The following DMKN variants were observed in gnomAD, a reference collection of about 807,000 sequenced individuals.
DMKN encodes dermokine.
In DMKN, 58 loss-of-function variants were observed where a neutral mutation model predicts 67.6. That is an observed-to-expected ratio of 0.86 (90% CI 0.69 to 1.07). The LOEUF (loss-of-function observed/expected upper bound fraction) is 1.07. DMKN is among the 50% of genes least tolerant of loss of function. The probability of loss-of-function intolerance (pLI) is 0.00; values close to 1 mark genes in which losing one functional copy is unlikely to be tolerated. For missense variants in DMKN, 596 were observed against 601.5 expected (o/e 0.99, Z 0.10); for synonymous variants, 240 against 232.3 (o/e 1.03, Z -0.30).
Position 35,511,479 on chromosome 19 carries a change from C to CACCACT in DMKN, c.849_850insAGTGGT (p.Ser282_Gly283dup), listed in dbSNP as rs776176602. 3.1e-6 allele frequency: 3 copies of CACCACT among 955,288 alleles called. No homozygotes were observed. In the African/African-American group the frequency reaches 6.0e-5, roughly 19 times the overall value. 59.2% of individuals were successfully genotyped at this position (955,288 alleles called of 1,614,324 possible). A position where few individuals can be genotyped will look rare whatever the true frequency, so the allele number is the denominator to read the frequency against. On this transcript the variant is annotated inframe_insertion, in exon 5 of 16. Coordinates refer to ENST00000339686, the MANE Select transcript of DMKN (RefSeq NM_033317.5). ...TTGCCACTGCTGCCACCACTGCTGC[C>CACCACT]GCCACTGCTGCCGCCACTGCTGCTG...
intron 9 of DMKN, among the ~76,000 whole-genome samples, chr19:35,504,804 CTG>C (rs1400385327): frequency 6.6e-6 from 1 of 151,890 alleles, no homozygotes; most frequent in African/African-American, 2.4e-5. Context: ...GCTAAAATGA[CTG>C]TGACAGGTAG....
chr19:35,503,259 C>T lies in DMKN; in HGVS notation c.1135-373G>A, dbSNP rs2068738936. ...GGCTGCAGCCACCCCTTCCACACCA[C>T]CCTGGATAACAGCGGAGACGTAAGA... On this transcript the variant is annotated intron_variant, in intron 9 of 15. Transcript: ENST00000339686. The T allele has an allele frequency of 5.4e-6, 8 of 1,471,824 alleles. No individual in the cohort carries two copies. The East Asian group carries it at 1.5e-4, about 28-fold the overall frequency. The allele number at this position is 1,471,824 out of a possible 1,614,324, so 91.2% of individuals were successfully genotyped here.
At chr19:35,499,845 G>A in intron 13 of DMKN, 113 bp downstream of exon 13, 1 of 1,122,508 alleles carries the variant, frequency 8.9e-7, no homozygotes. Context: ...GACTCAAAGA[G>A]AGCGGGATCC....
chr19:35,504,693 T>A (rs2069107152), intron 9 of DMKN, among the ~76,000 whole-genome samples: 1 of 151,890 alleles, frequency 6.6e-6, no homozygotes, highest in African/African-American at 2.4e-5. Flanking sequence ...GTCTCCTCAA[T>A]CTCCTTCCTA....
intron 11 of DMKN, among the ~76,000 whole-genome samples, chr19:35,501,337 T>C (rs988691976): frequency 6.6e-6 from 1 of 152,216 alleles, no homozygotes; most frequent in Non-Finnish European, 1.5e-5. Flanking sequence ...TGGTTGACCA[T>C]GGGCCTCCAG....
At chr19:35,507,378 T>G in intron 7 of DMKN, 2 of 1,397,222 alleles carry the variant, frequency 1.4e-6, no homozygotes, top group African/African-American at 2.9e-5. Context: ...GAAACTGATA[T>G]TTTTGTTTCT....
In DMKN at chr19:35,501,989, C is replaced by T. The variant is rs2068477515; in HGVS notation, c.1239+147G>A. 72 of 1,545,612 alleles carry T rather than the reference C, an allele frequency of 4.7e-5. 1 individual carries two copies. In the South Asian group the frequency reaches 8.3e-4, roughly 18 times the overall value. ...TGCTCCTCAGTGACTCACGGCTTCT[C>T]CCTCTCACCCCGCCCCCACTCGGGA... is the stretch of plus-strand genomic sequence containing the variant. On this transcript the variant is annotated intron_variant, in intron 11 of 15. Transcript: ENST00000339686.
intron 10 of DMKN, among the ~76,000 whole-genome samples, chr19:35,502,576 C>T (rs1212607375): frequency 2.6e-5 from 4 of 151,842 alleles, no homozygotes; most frequent in East Asian, 1.9e-4. Context: ...CGGTGGCAGG[C>T]GCCTGTAGTC....
chr19:35,501,384 T>C (rs144086296), intron 11 of DMKN, among the ~76,000 whole-genome samples: 159 of 152,290 alleles, frequency 1.0e-3, no homozygotes, highest in African/African-American at 3.8e-3. Context: ...ATTAAATTAG[T>C]TACAGTTAGA....
At chr19:35,507,971 C>T (rs1030291470) in intron 7 of DMKN, 31 of 535,224 alleles carry the variant, frequency 5.8e-5, no homozygotes, top group Non-Finnish European at 9.5e-5. Flanking sequence ...GCTGAGGCGG[C>T]ATAGAGTAGA....
At position 35,513,129 on chromosome 19, in the gene DMKN, T is replaced by C. The variant is rs1419753093; in HGVS notation, c.347A>G (p.Gln116Arg). 4.3e-6 allele frequency: 7 copies of C among 1,614,194 alleles called. No individual in the cohort carries two copies. Among genetic ancestry groups the C allele is most frequent in the Non-Finnish European group, 5.9e-6 (7 of 1,180,042 alleles). The change falls in exon 1 of 16, where the codon CAG becomes CGG. Residue 116 changes from glutamine to arginine, a missense_variant. Physicochemically the swap from Gln to Arg is conservative, Grantham distance 43. Transcript: ENST00000339686. ...LGNTGHEIGRQAEDVIRHGAD... is the reference protein window; with the variant it reads ...LGNTGHEIGRRAEDVIRHGAD... ...TCCGTGTCGAATGACATCTTCTGCC[T>C]GTCTGCCAATCTCGTGCCCAGTGTT...
At chr19:35,509,782 T>C (rs1338798541) in intron 7 of DMKN, 129 bp downstream of exon 7, 16 of 1,114,228 alleles carry the variant, frequency 1.4e-5, no homozygotes, top group Non-Finnish European at 2.0e-5. Flanking sequence ...TTTGGTTTCT[T>C]CTGCCGAAAT....
At chr19:35,501,632 C>T (rs566328945) in intron 11 of DMKN, among the ~76,000 whole-genome samples, 58 of 152,270 alleles carry the variant, frequency 3.8e-4, no homozygotes, top group Non-Finnish European at 5.9e-4. Context: ...TCTTTGGCAC[C>T]GCCCAGAGGT....
chr19:35,508,712 G>A (rs1192430523), intron 7 of DMKN, among the ~76,000 whole-genome samples: 1 of 152,134 alleles, frequency 6.6e-6, no homozygotes, highest in Non-Finnish European at 1.5e-5. Context: ...AAAGCGTAGG[G>A]TAAGTCTGGT....
chr19:35,502,707 A>C, intron 10 of DMKN, 123 bp downstream of exon 10: 1 of 1,011,788 alleles, frequency 9.9e-7, no homozygotes, highest in Non-Finnish European at 1.5e-6. Flanking sequence ...TCTGTCTCAA[A>C]AAAAAAAAGG....
intron 5 of DMKN, chr19:35,510,581 C>A (rs2070576447): frequency 6.7e-6 from 10 of 1,498,130 alleles, no homozygotes; most frequent in Admixed American, 2.1e-5. Context: ...GTGGAAGGGA[C>A]CCTAGAGCCC....
intron 7 of DMKN, chr19:35,508,037 G>T (rs2069935321): frequency 6.1e-6 from 5 of 825,674 alleles, no homozygotes; most frequent in Non-Finnish European, 9.3e-6. Flanking sequence ...TGCTTTATCT[G>T]CTGTGAAACA....
At chr19:35,504,548 A>C (rs977737319) in intron 9 of DMKN, among the ~76,000 whole-genome samples, 2 of 150,938 alleles carry the variant, frequency 1.3e-5, no homozygotes, top group African/African-American at 4.9e-5. Context: ...ACTACACTCC[A>C]ACCTGGGTGA....
chr19:35,507,702 G>A (rs1261609840), intron 7 of DMKN: 2 of 566,816 alleles, frequency 3.5e-6, no homozygotes, highest in East Asian at 2.9e-5. Context: ...CTGAGATCTC[G>A]TTTCAAGCTC....
Sources: gnomAD v4.1 joint callset for allele counts (sites outside exome capture counted in the v4.1 genomes callset) on GRCh38, gnomAD v4.1.1 for gene constraint, MANE v1.5 for transcripts, NCBI Gene and HGNC (gene_info 2026-07-23, HGNC 2026-07-21) for gene names.